The following RAPH1 variants were observed in gnomAD, a reference collection of about 807,000 sequenced individuals.
RAPH1 encodes Ras association (RalGDS/AF-6) and pleckstrin homology domains 1, also known as ras-associated and pleckstrin homology domains-containing protein 1.
Under a neutral mutation model 88.1 loss-of-function variants are expected in RAPH1, and 18 were observed. The observed-to-expected ratio is 0.20, with a 90% CI of 0.14 to 0.30. The LOEUF is 0.30. Among genes scored for constraint, RAPH1 ranks in the 10% least tolerant of loss-of-function variants. The pLI is 1.00. For synonymous variants in RAPH1, 587 were observed against 559.0 expected (o/e 1.05, Z -0.71); for missense variants, 1,448 against 1,543.2 (o/e 0.94, Z 1.03).
At chr2:203,504,203 C>T (rs1001919492) in intron 1 of RAPH1, among the ~76,000 whole-genome samples, 2 of 152,358 alleles carry the variant, frequency 1.3e-5, no homozygotes, top group South Asian at 4.1e-4. Flanking sequence ...CCCACATTTC[C>T]CTTCCGCACT....
intron 4 of RAPH1, among the ~76,000 whole-genome samples, chr2:203,466,526 T>A (rs1459129081): frequency 1.3e-5 from 2 of 152,224 alleles, no homozygotes; most frequent in Non-Finnish European, 2.9e-5. Flanking sequence ...GCAATGCAAA[T>A]CTACATTCAA....
At chr2:203,504,712 G>A (rs1212895619) in intron 1 of RAPH1, among the ~76,000 whole-genome samples, 1 of 151,664 alleles carries the variant, frequency 6.6e-6, no homozygotes, top group Non-Finnish European at 1.5e-5. Flanking sequence ...GCATCATCAG[G>A]CAGAAAATTT....
At chr2:203,464,253 T>C (rs1475791057) in intron 4 of RAPH1, among the ~76,000 whole-genome samples, 1 of 152,246 alleles carries the variant, frequency 6.6e-6, no homozygotes, top group Non-Finnish European at 1.5e-5. Context: ...ATGTTTTGTA[T>C]ATTTGGAATA....
rs1490884237 is a variant in RAPH1, at chr2:203,439,270, G to C, written c.*167C>G. ...ATATGTATACATATATACACACACT[G>C]TACAGCTGTGTGTACATGCACGTGT... On this transcript the variant is annotated 3_prime_UTR_variant, in exon 14 of 14. Coordinates refer to ENST00000319170, the MANE Select transcript of RAPH1 (RefSeq NM_213589.3). The C allele has an allele frequency of 1.1e-5, 7 of 615,566 alleles. No homozygotes were observed. The highest frequency in any genetic ancestry group is 1.7e-5 in the Non-Finnish European group (6 of 347,540). The allele number at this position is 615,566 out of a possible 1,614,324, so 38.1% of individuals were successfully genotyped here. A position where few individuals can be genotyped will look rare whatever the true frequency, so the allele number is the denominator to read the frequency against.
At chr2:203,475,393 C>T (rs368269189) in intron 4 of RAPH1, among the ~76,000 whole-genome samples, 1 of 151,576 alleles carries the variant, frequency 6.6e-6, no homozygotes, top group African/African-American at 2.4e-5. Flanking sequence ...GGTGACAGAG[C>T]GAGACTCCGT....
chr2:203,488,422 C>T (rs1431825707), intron 4 of RAPH1, among the ~76,000 whole-genome samples: 2 of 151,316 alleles, frequency 1.3e-5, no homozygotes, highest in Non-Finnish European at 2.9e-5. Flanking sequence ...AACCCCGTCT[C>T]TACCAAAAAT....
chr2:203,466,592 C>T (rs541852410), intron 4 of RAPH1, among the ~76,000 whole-genome samples: 7 of 152,324 alleles, frequency 4.6e-5, no homozygotes, highest in African/African-American at 1.7e-4. Flanking sequence ...TTATGTTCCG[C>T]TTCCAAAGTC....
chr2:203,504,413 C>T (rs1320586978), intron 1 of RAPH1, among the ~76,000 whole-genome samples: 2 of 152,226 alleles, frequency 1.3e-5, no homozygotes, highest in African/African-American at 4.8e-5. Context: ...ACAGCCTGAG[C>T]TCTATGTTGG....
chr2:203,442,117 T>C, intron 13 of RAPH1: 1 of 1,568,130 alleles, frequency 6.4e-7, no homozygotes, highest in Non-Finnish European at 8.6e-7. Flanking sequence ...GTAAACATTA[T>C]AGCAAAAGAC....
chr2:203,496,813 A>C (rs1437366464), intron 1 of RAPH1, among the ~76,000 whole-genome samples: 1 of 152,156 alleles, frequency 6.6e-6, no homozygotes, highest in African/African-American at 2.4e-5. Context: ...CATCATCACC[A>C]TATGTTACAT....
intron 1 of RAPH1, among the ~76,000 whole-genome samples, chr2:203,507,186 C>G (rs1056828985): frequency 1.3e-5 from 2 of 151,272 alleles, no homozygotes; most frequent in Non-Finnish European, 2.9e-5. Flanking sequence ...TGTGTGCCAC[C>G]GTGCCTGGCC....
intron 7 of RAPH1, among the ~76,000 whole-genome samples, chr2:203,459,183 A>G (rs780921410): frequency 1.4e-4 from 22 of 152,160 alleles, no homozygotes; most frequent in Non-Finnish European, 2.8e-4. Flanking sequence ...ATTATTTTTC[A>G]TAACTGCCTA....
Position 203,448,155 on chromosome 2 carries a change from CAT to C in RAPH1, c.1513-78_1513-77del. On this transcript the variant is annotated intron_variant, in intron 11 of 13. Coordinates refer to ENST00000319170, the MANE Select transcript of RAPH1 (RefSeq NM_213589.3). The surrounding 1 kb of genome is among the most constrained non-coding windows in gnomAD (Gnocchi z 4.1). ...CAGAAGGATAAGGTGAAATGGGGGA[CAT>C]ATTTCTGTTTACTGATTGATGGTCT... is the stretch of plus-strand genomic sequence containing the variant. 7.0e-7 allele frequency: 1 copy of C among 1,424,854 alleles called. No homozygotes were observed. The highest frequency in any genetic ancestry group is 9.7e-7 in the Non-Finnish European group (1 of 1,034,346). The allele number at this position is 1,424,854 out of a possible 1,614,324, so 88.3% of individuals were successfully genotyped here.
At chr2:203,516,064 T>C (rs1280210489) in intron 1 of RAPH1, among the ~76,000 whole-genome samples, 2 of 152,202 alleles carry the variant, frequency 1.3e-5, no homozygotes, top group African/African-American at 2.4e-5. Flanking sequence ...ATAATATATA[T>C]ATGCTTATGT....
intron 1 of RAPH1, among the ~76,000 whole-genome samples, chr2:203,509,157 G>A (rs1246113261): frequency 7.0e-6 from 1 of 143,338 alleles, no homozygotes; most frequent in Non-Finnish European, 1.5e-5. Context: ...TGCAACCTCT[G>A]CCTCCCAGGT....
At chr2:203,484,958 C>G (rs565597797) in intron 4 of RAPH1, among the ~76,000 whole-genome samples, 2 of 152,264 alleles carry the variant, frequency 1.3e-5, no homozygotes, top group Admixed American at 6.5e-5. Flanking sequence ...ATAAATAGCT[C>G]ATTGTAAGGG....
At chr2:203,446,518 A>C (rs2098509825) in intron 12 of RAPH1, 1 of 152,182 alleles carries the variant, frequency 6.6e-6, no homozygotes, top group East Asian at 1.9e-4. Flanking sequence ...TACTTCCTTC[A>C]GGACAAAGTG....
intron 1 of RAPH1, among the ~76,000 whole-genome samples, chr2:203,525,362 G>A (rs914364369): frequency 2.0e-5 from 3 of 151,910 alleles, no homozygotes; most frequent in African/African-American, 7.3e-5. Flanking sequence ...TGTATTTTTA[G>A]TAGAGATGGG....
chr2:203,504,242 C>A (rs898542678), intron 1 of RAPH1, among the ~76,000 whole-genome samples: 3 of 152,200 alleles, frequency 2.0e-5, no homozygotes, highest in Non-Finnish European at 4.4e-5. Flanking sequence ...CATGAGAGCC[C>A]CACCCCTGCA....
Sources: allele counts gnomAD v4.1 joint callset (sites outside exome capture counted in the v4.1 genomes callset), GRCh38; gene constraint gnomAD v4.1.1; non-coding constraint Gnocchi (gnomAD v3.1); transcripts MANE v1.5; gene names NCBI Gene and HGNC (gene_info 2026-07-23, HGNC 2026-07-21).